Variants in PDXDC1 observed in about 807,000 individuals in gnomAD.
The protein encoded by PDXDC1 is pyridoxal-dependent decarboxylase domain-containing protein 1.
In PDXDC1, 42 loss-of-function variants were observed where a neutral mutation model predicts 100.1. The ratio of observed to expected loss-of-function variants is 0.42; its 90% CI spans 0.33 to 0.54. The LOEUF (loss-of-function observed/expected upper bound fraction) is 0.54. Among genes scored for constraint, PDXDC1 ranks in the 20% least tolerant of loss-of-function variants. The probability of loss-of-function intolerance (pLI) is 0.10; values close to 1 mark genes in which losing one functional copy is unlikely to be tolerated. For synonymous variants in PDXDC1, 260 were observed against 371.7 expected (o/e 0.70, Z 3.46); for missense variants, 636 against 979.2 (o/e 0.65, Z 4.68).
chr16:15,003,307 C>A (rs1212139555), intron 4 of PDXDC1, among the ~76,000 whole-genome samples: 2 of 151,672 alleles, frequency 1.3e-5, no homozygotes, highest in Non-Finnish European at 2.9e-5. Context: ...AGCTCTGCCT[C>A]CCGGGTTCAC....
chr16:15,047,836 T>C (rs1271196059), intron 16 of PDXDC1: 1 of 1,598,996 alleles, frequency 6.3e-7, no homozygotes. Context: ...AATGGTTTCC[T>C]TCACCTCTCT....
chr16:15,147,019 G>A, the PDXDC1 span, among the ~76,000 whole-genome samples: 19 of 152,048 alleles, frequency 1.2e-4, 1 homozygote, highest in South Asian at 3.7e-3. Context: ...TGGGTTCCCA[G>A]CCTCCTTCCT....
intron 16 of PDXDC1, chr16:15,125,223 C>G (rs2047643470): frequency 1.8e-6 from 1 of 540,952 alleles, no homozygotes; most frequent in African/African-American, 2.0e-5. Flanking sequence ...AGGAGAGACC[C>G]AGTAAGTGGG....
chr16:15,145,489 G>T, the PDXDC1 span, among the ~76,000 whole-genome samples: 1 of 152,266 alleles, frequency 6.6e-6, no homozygotes, highest in Non-Finnish European at 1.5e-5. Context: ...TGGGCACAAA[G>T]CCCTTTCCGA....
chr16:15,127,783 G>C lies in PDXDC1; in HGVS notation c.1400-11096G>C, dbSNP rs1273066190. 15 of 1,555,408 alleles carry C rather than the reference G, an allele frequency of 9.6e-6. No individual in the cohort carries two copies. In the South Asian group the frequency reaches 1.7e-4, roughly 17 times the overall value. Reference sequence around the variant, plus strand: ...GCAGCAGGTGGCCCTCTGGATGCGAGTGAAACAGCTACGAGGCGGCCGGTC... The same window carrying C: ...GCAGCAGGTGGCCCTCTGGATGCGACTGAAACAGCTACGAGGCGGCCGGTC... On this transcript the variant is annotated intron_variant, in intron 16 of 16. Transcript: ENST00000535621.
chr16:14,974,870 C>G (rs774822374), upstream of PDXDC1: 5 of 1,535,538 alleles, frequency 3.3e-6, no homozygotes, highest in Non-Finnish European at 3.5e-6. Context: ...ATACTTCTAC[C>G]TTGATGATTG....
At chr16:15,028,189 C>T (rs1047225616) in intron 14 of PDXDC1, among the ~76,000 whole-genome samples, 42 of 152,290 alleles carry the variant, frequency 2.8e-4, no homozygotes, top group African/African-American at 8.7e-4. Context: ...CAGTCTTCTC[C>T]GCGCTCCAGA....
At chr16:15,093,408 T>A (rs1023253490) in intron 16 of PDXDC1, among the ~76,000 whole-genome samples, 7 of 152,218 alleles carry the variant, frequency 4.6e-5, no homozygotes, top group African/African-American at 1.4e-4. Flanking sequence ...ATTACCTTGT[T>A]GTATAACTGA....
intron 16 of PDXDC1, chr16:15,131,258 C>A (rs1346420127): frequency 3.1e-6 from 5 of 1,590,602 alleles, no homozygotes; most frequent in Non-Finnish European, 4.3e-6. Flanking sequence ...ACGGTGATGG[C>A]GCGCTCTGAG....
intron 7 of PDXDC1, chr16:15,009,379 C>G (rs1474251733): frequency 2.0e-6 from 1 of 498,360 alleles, no homozygotes; most frequent in African/African-American, 1.9e-5. Context: ...GAGATACATT[C>G]TTGGCTGTTT....
At chr16:15,012,716 G>GCCA (rs2041424030) in intron 8 of PDXDC1, among the ~76,000 whole-genome samples, 1 of 152,270 alleles carries the variant, frequency 6.6e-6, no homozygotes, top group Non-Finnish European at 1.5e-5. Flanking sequence ...GCCAGGTGTG[G>GCCA]TGGTGTGTAC....
chr16:15,136,419 G>A, intron 16 of PDXDC1: 1 of 601,960 alleles, frequency 1.7e-6, no homozygotes, highest in Non-Finnish European at 3.0e-6. Context: ...AGAGCTGACA[G>A]GAACGGCCCC....
intron 8 of PDXDC1, chr16:15,015,715 C>A (rs75873991): frequency 6.7e-4 from 142 of 213,430 alleles, no homozygotes; most frequent in South Asian, 1.7e-3. Flanking sequence ...GACTCCGTCT[C>A]AAAAAAAAAA....
downstream of PDXDC1, among the ~76,000 whole-genome samples, chr16:15,143,023 G>A (rs1448005983): frequency 6.6e-6 from 1 of 152,180 alleles, no homozygotes; most frequent in Non-Finnish European, 1.5e-5. Context: ...ACAGCCTGAT[G>A]GGTGCCCGAG....
intron 16 of PDXDC1, chr16:15,079,881 G>A (rs1282359792): frequency 3.2e-6 from 4 of 1,231,160 alleles, no homozygotes; most frequent in African/African-American, 1.6e-5. Flanking sequence ...ACAGGCGTGA[G>A]TCACCACGCC....
Position 15,037,984 on chromosome 16 carries a change from A to C in PDXDC1, c.*1709A>C, listed in dbSNP as rs1239319237. 1.4e-6 allele frequency: 2 copies of C among 1,456,130 alleles called. No homozygotes were observed. Among genetic ancestry groups the C allele is most frequent in the South Asian group, 1.2e-5 (1 of 83,712 alleles). The allele number at this position is 1,456,130 out of a possible 1,614,324, so 90.2% of individuals were successfully genotyped here. On this transcript the variant is annotated 3_prime_UTR_variant, in exon 23 of 23. Transcript: ENST00000396410. Reference sequence around the variant, plus strand: ...ATCTGGATTCGTGCCAGCCCCACCAATGGTCTGTCAGGCCAAGAAGGTGCT... The same window carrying C: ...ATCTGGATTCGTGCCAGCCCCACCACTGGTCTGTCAGGCCAAGAAGGTGCT...
chr16:15,046,275 C>G (rs2044057461), intron 16 of PDXDC1, among the ~76,000 whole-genome samples: 1 of 152,234 alleles, frequency 6.6e-6, no homozygotes, highest in East Asian at 1.9e-4. Flanking sequence ...CCTTTTTAGA[C>G]TCCTAGGATT....
In PDXDC1 at chr16:15,038,066, C is replaced by A; in HGVS notation, c.*1791C>A. 2.5e-6 allele frequency: 4 copies of A among 1,612,400 alleles called. No homozygotes were observed. Among genetic ancestry groups the A allele is most frequent in the Non-Finnish European group, 3.4e-6 (4 of 1,179,494 alleles). On this transcript the variant is annotated 3_prime_UTR_variant, in exon 23 of 23. Transcript: ENST00000396410. Reference sequence around the variant, plus strand: ...GGAGAAGAGATCTTTTCCCACAAGCCATCTTCATTTTTTTTGTAGAGTAGG... The same window carrying A: ...GGAGAAGAGATCTTTTCCCACAAGCAATCTTCATTTTTTTTGTAGAGTAGG...
At position 15,036,130 on chromosome 16, in the gene PDXDC1, A is replaced by G; in HGVS notation, c.2222A>G (p.Gln741Arg). 1 of 1,614,188 alleles carries G rather than the reference A, an allele frequency of 6.2e-7. No individual in the cohort carries two copies. The highest frequency in any genetic ancestry group is 1.3e-5 in the African/African-American group (1 of 75,062). ...GAGCGCCTATCCAGTGGGCCGGAGC[A>G]GATCACCCTCGAGGCCAGCAGCACT... ...KVERLSSGPE[Q>R]ITLEASSTEG... is the part of the protein sequence containing the mutation. The change falls in exon 23 of 23, where the codon CAG becomes CGG. Residue 741 changes from glutamine (Q) to arginine (R), a missense_variant. Around this residue, in one of 4 missense-constraint regions of PDXDC1, gnomAD observed 452 missense variants for 402.9 expected, o/e 1.12. Transcript: ENST00000396410.
Sources: gnomAD v4.1 joint callset for allele counts (sites outside exome capture counted in the v4.1 genomes callset) on GRCh38, gnomAD v4.1.1 for gene constraint, gnomAD v4.1.1 regional missense constraint, MANE v1.5 for transcripts, NCBI Gene and HGNC (gene_info 2026-07-23, HGNC 2026-07-21) for gene names.